The following NSD1 variants were observed in gnomAD, a reference collection of about 807,000 sequenced individuals.
NSD1 encodes histone-lysine N-methyltransferase, H3 lysine-36 specific.
In NSD1, 26 loss-of-function variants were observed where a neutral mutation model predicts 242.7. The ratio of observed to expected loss-of-function variants is 0.11; its 90% CI spans 0.08 to 0.15. The LOEUF (loss-of-function observed/expected upper bound fraction) is 0.15. Ranked by LOEUF, NSD1 falls within the 10% of genes least tolerant of loss-of-function variation. NSD1 has a pLI of 1.00. For missense variants in NSD1, 2,495 were observed against 3,272.8 expected (o/e 0.76, Z 5.80); for synonymous variants, 1,106 against 1,178.1 (o/e 0.94, Z 1.25).
chr5:177,288,665 T>C, intron 20 of NSD1, 154 bp from the exon 21 acceptor site: 1 of 625,292 alleles, frequency 1.6e-6, no homozygotes, highest in Non-Finnish European at 2.8e-6. Context: ...TGATTATTAA[T>C]GTTATAAGAT....
At chr5:177,150,717 T>C (rs895790201) in intron 2 of NSD1, among the ~76,000 whole-genome samples, 3 of 152,212 alleles carry the variant, frequency 2.0e-5, no homozygotes, top group Admixed American at 1.3e-4. Context: ...TGATATTCCC[T>C]CACATACCAG....
At chr5:177,216,672 T>G (rs1763796448) in intron 5 of NSD1, among the ~76,000 whole-genome samples, 2 of 145,450 alleles carry the variant, frequency 1.4e-5, no homozygotes, top group South Asian at 4.3e-4. Context: ...GGATCTCTGT[T>G]TTTTTTTTTT....
chr5:177,285,591 G>A (rs1239245643), intron 20 of NSD1, among the ~76,000 whole-genome samples: 2 of 135,922 alleles, frequency 1.5e-5, no homozygotes, highest in African/African-American at 2.7e-5. Context: ...AAAAAAATTT[G>A]TATAAACGTT....
intron 2 of NSD1, among the ~76,000 whole-genome samples, chr5:177,158,961 TAC>T (rs1232923230): frequency 2.8e-5 from 4 of 142,254 alleles, no homozygotes; most frequent in East Asian, 2.0e-4. Context: ...CATATATATA[TAC>T]ACACACATAT....
intron 3 of NSD1, 101 bp from the exon 4 acceptor site, chr5:177,204,019 T>G: frequency 8.6e-7 from 1 of 1,168,114 alleles, no homozygotes; most frequent in Non-Finnish European, 1.3e-6. Flanking sequence ...TGTTAGTTGT[T>G]TCCAGACAGT....
chr5:177,218,811 C>T (rs774217861), intron 5 of NSD1, among the ~76,000 whole-genome samples: 29 of 151,790 alleles, frequency 1.9e-4, no homozygotes, highest in Non-Finnish European at 2.2e-4. Context: ...CCTTGTGATC[C>T]GCCCTCCTCG....
At chr5:177,167,623 T>C (rs1477596337) in intron 2 of NSD1, among the ~76,000 whole-genome samples, 4 of 152,218 alleles carry the variant, frequency 2.6e-5, no homozygotes, top group Non-Finnish European at 2.9e-5. Context: ...AGGCTACTAG[T>C]ACACACTGTT....
intron 5 of NSD1, among the ~76,000 whole-genome samples, chr5:177,219,021 G>A (rs1764024508): frequency 6.6e-6 from 1 of 151,780 alleles, no homozygotes; most frequent in Admixed American, 6.6e-5. Context: ...ATTTCTATAT[G>A]CTCTAGTCTT....
intron 14 of NSD1, among the ~76,000 whole-genome samples, 171 bp downstream of exon 14, chr5:177,260,339 CTTTTTTTTTTTT>C (rs1174250871): frequency 2.3e-5 from 2 of 85,834 alleles, no homozygotes; most frequent in South Asian, 8.0e-4. Context: ...CATAGCAGAA[CTTTTTTTTTTTT>C]TTTTTTTTTT....
intron 2 of NSD1, among the ~76,000 whole-genome samples, chr5:177,158,310 CT>C (rs1581158860): frequency 7.7e-6 from 1 of 130,418 alleles, no homozygotes; most frequent in African/African-American, 3.0e-5. Context: ...TCTTTTCTTT[CT>C]TTTCTTTCTT....
intron 2 of NSD1, among the ~76,000 whole-genome samples, chr5:177,171,407 C>T (rs1466421666): frequency 6.6e-6 from 1 of 152,044 alleles, no homozygotes; most frequent in East Asian, 1.9e-4. Context: ...GTCTCTACAT[C>T]CCTCTATTTG....
chr5:177,249,788 GTTC>G (rs1755776620), intron 11 of NSD1, among the ~76,000 whole-genome samples: 2 of 152,176 alleles, frequency 1.3e-5, no homozygotes, highest in African/African-American at 2.4e-5. Context: ...CGCCCGGCCA[GTTC>G]TTCTTTTTTA....
intron 2 of NSD1, among the ~76,000 whole-genome samples, chr5:177,166,997 C>T (rs766316699): frequency 5.3e-5 from 8 of 151,676 alleles, no homozygotes; most frequent in African/African-American, 1.7e-4. Context: ...CTGCCCACCT[C>T]GGCCTCCCAA....
At chr5:177,250,458 G>A (rs1178937854) in intron 11 of NSD1, among the ~76,000 whole-genome samples, 3 of 152,048 alleles carry the variant, frequency 2.0e-5, no homozygotes, top group Non-Finnish European at 4.4e-5. Context: ...AAATTACGTG[G>A]TTATCCCAGT....
At chr5:177,291,718 T>C (rs114288488) in intron 21 of NSD1, among the ~76,000 whole-genome samples, 86 of 152,332 alleles carry the variant, frequency 5.6e-4, no homozygotes, top group African/African-American at 2.0e-3. Flanking sequence ...ACCAGCCTTA[T>C]GGATCAGCAA....
In NSD1 at chr5:177,134,819, A is replaced by G. The variant is rs537457393; in HGVS notation, c.-17-268A>G. Reference sequence around the variant, plus strand: ...TGACGGGCAGAGGGGTTTTAATTTTAGTTCATCCCAAGTGTCCACCAGTCT... The same window carrying G: ...TGACGGGCAGAGGGGTTTTAATTTTGGTTCATCCCAAGTGTCCACCAGTCT... On this transcript the variant is annotated intron_variant, in intron 1 of 22. Coordinates refer to ENST00000439151, the MANE Select transcript of NSD1 (RefSeq NM_022455.5). This position sits in a 1 kb window ranked among gnomAD's most constrained non-coding sequence, Gnocchi z 4.2. Among the ~76,000 whole-genome samples, 9 of 152,252 alleles carry G rather than the reference A, an allele frequency of 5.9e-5. No individual in the cohort carries two copies. In the South Asian group the frequency reaches 1.9e-3, roughly 32 times the overall value.
rs371532898 is a variant in NSD1 at position 177,294,267 on chromosome 5, C to G, written c.6899C>G (p.Ala2300Gly). The change falls in exon 23 of 23, where the codon GCT becomes GGT. Residue 2300 changes from alanine to glycine, a missense_variant. This residue lies in a region of NSD1 where 475 missense variants were observed against 563.7 expected (regional missense o/e 0.84). Transcript: ENST00000439151. The part of the protein sequence containing the change: ...PQPLDKVRDL[A>G]GSGTKSQSLV... ...CCTTTAGATAAGGTCAGAGACCTCG[C>G]TGGGTCAGGGACCAAATCCCAATCC... is the stretch of plus-strand genomic sequence containing the variant. 8 of 1,613,450 alleles carry G rather than the reference C, an allele frequency of 5.0e-6. No individual in the cohort carries two copies. The African/African-American group carries it at 1.1e-4, about 22-fold the overall frequency.
At chr5:177,173,648 T>A (rs1759920268) in intron 2 of NSD1, among the ~76,000 whole-genome samples, 1 of 151,970 alleles carries the variant, frequency 6.6e-6, no homozygotes, top group African/African-American at 2.4e-5. Flanking sequence ...TAATTTTGTA[T>A]TTTTAGTAGA....
At chr5:177,222,128 T>TTCA (rs1467616314) in intron 5 of NSD1, among the ~76,000 whole-genome samples, 1 of 151,852 alleles carries the variant, frequency 6.6e-6, no homozygotes, top group Non-Finnish European at 1.5e-5. Context: ...TGTTTTATTT[T>TTCA]TTATTATTAT....
Sources: gnomAD v4.1 joint callset for allele counts (sites outside exome capture counted in the v4.1 genomes callset) on GRCh38, gnomAD v4.1.1 for gene constraint, gnomAD v4.1.1 regional missense constraint, Gnocchi (gnomAD v3.1) non-coding constraint, MANE v1.5 for transcripts, NCBI Gene and HGNC (gene_info 2026-07-23, HGNC 2026-07-21) for gene names.